PIEZO1: variants seen among roughly 807,000 people sequenced by gnomAD.
PIEZO1 encodes the protein piezo-type mechanosensitive ion channel component 1.
Under a neutral mutation model 297.2 loss-of-function variants are expected in PIEZO1, and 296 were observed. The observed-to-expected ratio is 1.00, with a 90% CI of 0.91 to 1.10. The LOEUF (loss-of-function observed/expected upper bound fraction) is 1.10, where lower values mean the gene tolerates loss of function less well. Ranked by LOEUF, PIEZO1 falls within the 50% of genes least tolerant of loss-of-function variation. PIEZO1 has a pLI of 0.00. For missense variants in PIEZO1, 5,018 were observed against 3,455.5 expected, an observed-to-expected ratio of 1.45 and a Z score of -11.34; for synonymous variants, 2,427 against 1,507.5, an observed-to-expected ratio of 1.61 and a Z score of -14.13.
At chr16:88,772,621 A>C (rs1326997316) in intron 1 of PIEZO1, among the ~76,000 whole-genome samples, 1 of 152,174 alleles carries the variant, frequency 6.6e-6, no homozygotes. Flanking sequence ...TCTACTAAAA[A>C]TACAAAAATG....
At position 88,741,618 on chromosome 16, in the gene PIEZO1, T is replaced by G. The variant is rs1905666178; in HGVS notation, c.327-2A>C. The G allele has an allele frequency of 6.5e-7, 1 of 1,533,764 alleles. No individual in the cohort carries two copies. Among genetic ancestry groups the G allele is most frequent in the African/African-American group, 1.4e-5 (1 of 72,792 alleles). On this transcript the variant is annotated splice_acceptor_variant, in intron 4 of 50. Coordinates refer to ENST00000301015, the MANE Select transcript of PIEZO1 (RefSeq NM_001142864.4). LOFTEE classifies it high-confidence loss of function. ...TTGGGGATGTCCTTCAGGTCCAGCC[T>G]GCGGAGAGCAGGGAGCAGCCGCGGT...
At position 88,720,270 on chromosome 16, in the gene PIEZO1, G is replaced by T. The variant is rs556192193; in HGVS notation, c.5963C>A (p.Ala1988Asp). Residue 1988 changes from alanine (A) to aspartate (D), a missense_variant, in exon 42 of 51, where the codon GCC becomes GAC. Ala to Asp is a moderately radical substitution (Grantham distance 126). Coordinates refer to ENST00000301015, the MANE Select transcript of PIEZO1 (RefSeq NM_001142864.4). ...GFWAFGKHSA[A>D]TDITSSLSDD... ...TGATAGGGAGGACGTGATGTCTGTG[G>T]CCGCCGAGTGCTTCTGTGGCCAGGA... 1 of 1,550,280 alleles carries T rather than the reference G, an allele frequency of 6.5e-7. No individual in the cohort carries two copies. Among genetic ancestry groups the T allele is most frequent in the African/African-American group, 1.4e-5 (1 of 73,042 alleles).
chr16:88,740,513 C>G (rs1905571659), intron 5 of PIEZO1: 1 of 152,346 alleles, frequency 6.6e-6, no homozygotes, highest in Admixed American at 6.5e-5. Context: ...TGGACCCCCT[C>G]AAATGCCCGG....
Position 88,726,842 on chromosome 16 carries a change from AGCAGGTAGCCCAGCCCGAAGATGCTGAT to A in PIEZO1, c.3544_3571del (p.Ile1182TrpfsTer79). 1.9e-6 allele frequency: 3 copies of A among 1,550,406 alleles called. No homozygotes were observed. Among genetic ancestry groups the A allele is most frequent in the Non-Finnish European group, 2.6e-6 (3 of 1,146,944 alleles). Reference sequence around the variant, plus strand: ...GAAGAGCAGCAGGTAGAAGCAGGCCAGCAGGTAGCCCAGCCCGAAGATGCTGATGCGGGTGGCCCCCGTGACAAACACC... The same window carrying A: ...GAAGAGCAGCAGGTAGAAGCAGGCCAGCGGGTGGCCCCCGTGACAAACACC... On this transcript the variant is annotated frameshift_variant, in exon 25 of 51. Transcript: ENST00000301015. LOFTEE classifies it high-confidence loss of function.
At chr16:88,735,389 C>G in intron 12 of PIEZO1, 143 bp from the exon 13 acceptor site, 1 of 649,084 alleles carries the variant, frequency 1.5e-6, no homozygotes, top group Non-Finnish European at 2.8e-6. Context: ...TCCCCACAGG[C>G]ACCGAACACC....
chr16:88,718,001 T>C (rs1912172414), intron 44 of PIEZO1: 2 of 333,174 alleles, frequency 6.0e-6, no homozygotes, highest in Non-Finnish European at 1.2e-5. Flanking sequence ...GAGAATCGCT[T>C]GAACCTGGGA....
chr16:88,726,873 G>C lies in PIEZO1; in HGVS notation c.3541C>G (p.Arg1181Gly), dbSNP rs774583059. The part of the protein sequence containing the change: ...LVVVFVTGAT[R>G]ISIFGLGYLL... ...TAGCCCAGCCCGAAGATGCTGATGC[G>C]GGTGGCCCCCGTGACAAACACCACC... The change falls in exon 25 of 51, where the codon CGC becomes GGC. Residue 1181 changes from arginine (R) to glycine (G), a missense_variant. Arg to Gly is a moderately radical substitution (Grantham distance 125). Coordinates refer to ENST00000301015, the MANE Select transcript of PIEZO1 (RefSeq NM_001142864.4). The C allele has an allele frequency of 1.3e-6, 2 of 1,550,378 alleles. No individual in the cohort carries two copies. Among genetic ancestry groups the C allele is most frequent in the Non-Finnish European group, 1.7e-6 (2 of 1,146,916 alleles).
Position 88,731,917 on chromosome 16 carries a change from A to AGGGGGGGGGCGT in PIEZO1, c.2992-8_2992-7insACGCCCCCCCCC. On this transcript the variant is annotated splice_region_variant and splice_polypyrimidine_tract_variant and intron_variant, in intron 21 of 50. Transcript: ENST00000301015. Reference sequence around the variant, plus strand: ...CGGCCATCAGGAAGCAGATCTGGGGAGGGGAGAGGGCGGGGTGTGGGGATG... The same window carrying AGGGGGGGGGCGT: ...CGGCCATCAGGAAGCAGATCTGGGGAGGGGGGGGGCGTGGGGAGAGGGCGGGGTGTGGGGATG... The AGGGGGGGGGCGT allele has an allele frequency of 4.5e-6, 1 of 222,144 alleles. No homozygotes were observed. The allele number at this position is 222,144 out of a possible 1,614,324, so 13.8% of individuals were successfully genotyped here. A position where few individuals can be genotyped will look rare whatever the true frequency, so the allele number is the denominator to read the frequency against.
At position 88,725,554 on chromosome 16, in the gene PIEZO1, G is replaced by A. The variant is rs748626258; in HGVS notation, c.4059-35C>T. The A allele has an allele frequency of 3.6e-5, 55 of 1,528,496 alleles. 1 individual carries two copies. In the South Asian group the frequency reaches 5.4e-4, roughly 15 times the overall value. The allele number at this position is 1,528,496 out of a possible 1,614,324, so 94.7% of individuals were successfully genotyped here. ...GGAAAGGTGGGGTATGCTGAGCATT[G>A]GGGGGAGGAGCCGGGGAGTCCCCGC... On this transcript the variant is annotated intron_variant, in intron 28 of 50. Coordinates refer to ENST00000301015, the MANE Select transcript of PIEZO1 (RefSeq NM_001142864.4).
intron 1 of PIEZO1, among the ~76,000 whole-genome samples, chr16:88,760,441 C>T (rs1176941293): frequency 6.6e-6 from 1 of 152,280 alleles, no homozygotes; most frequent in Admixed American, 6.5e-5. Context: ...ACCTCAGAGA[C>T]CTTTGAACCA....
chr16:88,737,400 G>A, intron 10 of PIEZO1, 159 bp downstream of exon 10: 3 of 586,774 alleles, frequency 5.1e-6, no homozygotes, highest in Admixed American at 3.2e-5. Context: ...GGTCTCGGGG[G>A]TCACTGACAC....
At position 88,742,454 on chromosome 16, in the gene PIEZO1, C is replaced by T. The variant is rs7201439; in HGVS notation, c.161-32G>A. ...CAGAGCGAGTGGGTGAGGCTGGTCC[C>T]GGGGACGGGGAGGGGCCGCAGCCCA... On this transcript the variant is annotated intron_variant, in intron 2 of 50. Coordinates refer to ENST00000301015, the MANE Select transcript of PIEZO1 (RefSeq NM_001142864.4). 1,326,076 of 1,530,134 alleles carry T rather than the reference C, an allele frequency of 0.87. 575,413 individuals are homozygous for T. Among genetic ancestry groups the T allele is most frequent in the East Asian group, 0.95 (38,941 of 40,854 alleles). The allele number at this position is 1,530,134 out of a possible 1,614,324, so 94.8% of individuals were successfully genotyped here.
At position 88,734,461 on chromosome 16, in the gene PIEZO1, A is replaced by G; in HGVS notation, c.2075T>C (p.Leu692Pro). 1 of 1,549,944 alleles carries G rather than the reference A, an allele frequency of 6.5e-7. No individual in the cohort carries two copies. The highest frequency in any genetic ancestry group is 1.2e-5 in the South Asian group (1 of 84,056). Residue 692 changes from leucine to proline, a missense_variant, in exon 16 of 51, where the codon CTG (leucine) becomes CCG (proline). Coordinates refer to ENST00000301015, the MANE Select transcript of PIEZO1 (RefSeq NM_001142864.4). ...SSILVPGFFL[L>P]ACILQLHYFH... The stretch of plus-strand genomic sequence containing the variant: ...GTAGTGCAGCTGCAGGATGCAGGCC[A>G]GGAGGAAGAAGCCGGGCACCAGGAT...
chr16:88,719,027 A>G (rs1432452872), intron 44 of PIEZO1: 1 of 155,450 alleles, frequency 6.4e-6, no homozygotes, highest in Non-Finnish European at 1.4e-5. Context: ...TTATTTTTAC[A>G]TTTGCTGAGG....
chr16:88,734,611 T>A (rs775681365), intron 15 of PIEZO1, 39 bp downstream of exon 15: 14 of 1,548,176 alleles, frequency 9.0e-6, no homozygotes, highest in Non-Finnish European at 1.0e-5. Context: ...GTGCACGGGG[T>A]TTCGGCGCCC....
At chr16:88,738,523 A>G (rs1905412663) in intron 6 of PIEZO1, 45 bp downstream of exon 6, 1 of 1,528,724 alleles carries the variant, frequency 6.5e-7, no homozygotes, top group African/African-American at 1.4e-5. Flanking sequence ...AACTCCCAAG[A>G]CCCCTCCCAG....
In PIEZO1 at chr16:88,720,059, G is replaced by A. The variant is rs190051638; in HGVS notation, c.6164+10C>T. 8.3e-4 allele frequency: 1,294 copies of A among 1,550,028 alleles called. 4 individuals are homozygous for A. In the Middle Eastern group the frequency reaches 0.013, roughly 15 times the overall value. On this transcript the variant is annotated intron_variant, in intron 42 of 50. Transcript: ENST00000301015. ...CCCTGGAGACCGAGCGCCCCCACGCGTGGGCCCACCTCTCAGTGACGGCGG... is the reference window on the plus strand; with the variant it reads ...CCCTGGAGACCGAGCGCCCCCACGCATGGGCCCACCTCTCAGTGACGGCGG...
At chr16:88,772,899 C>A (rs138240839) in intron 1 of PIEZO1, among the ~76,000 whole-genome samples, 76 of 152,318 alleles carry the variant, frequency 5.0e-4, no homozygotes, top group Admixed American at 4.1e-3. Context: ...AGGCCGCAGG[C>A]TGGGGTGGGC....
chr16:88,763,711 G>A (rs548081124), intron 1 of PIEZO1, among the ~76,000 whole-genome samples: 3 of 152,298 alleles, frequency 2.0e-5, no homozygotes, highest in African/African-American at 7.2e-5. Flanking sequence ...TCCAGAGGCC[G>A]CATGGACCAC....
Sources: allele counts gnomAD v4.1 joint callset (sites outside exome capture counted in the v4.1 genomes callset), GRCh38; gene constraint gnomAD v4.1.1; transcripts MANE v1.5; gene names NCBI Gene and HGNC (gene_info 2026-07-23, HGNC 2026-07-21).